KLHDC10: variants seen among roughly 807,000 people sequenced by gnomAD.
KLHDC10 encodes the protein kelch domain containing 10.
A neutral mutation model predicts 56.1 loss-of-function variants in KLHDC10; 24 were observed. The ratio of observed to expected loss-of-function variants is 0.43; its 90% CI spans 0.31 to 0.60. The LOEUF is 0.60. KLHDC10 is among the 20% of genes least tolerant of loss of function. KLHDC10 has a pLI of 0.11. For synonymous variants in KLHDC10, 188 were observed against 207.1 expected (o/e 0.91, Z 0.79); for missense variants, 349 against 567.0 (o/e 0.62, Z 3.91).
Position 130,081,147 on chromosome 7 carries a change from C to T in KLHDC10, c.166+10338C>T, listed in dbSNP as rs550227317. Among the ~76,000 whole-genome samples, 74 of 151,312 alleles carry T rather than the reference C, an allele frequency of 4.9e-4. No homozygotes were observed. In the South Asian group the frequency reaches 7.1e-3, roughly 14 times the overall value. On this transcript the variant is annotated intron_variant, in intron 1 of 9. Transcript: ENST00000335420. ...CTGAGTAGCTGGGAATATAGGCGCC[C>T]GCCACTACACCCGGCTAATTTTTTG...
Position 130,132,388 on chromosome 7 carries a change from G to A in KLHDC10, c.*1642G>A, listed in dbSNP as rs955799599. ...ATGACCTTTGAGCTACGGTTAAAAA[G>A]CTACCATCTGGTGTTCAGTTCTGGG... On this transcript the variant is annotated 3_prime_UTR_variant, in exon 10 of 10. Transcript: ENST00000335420. 6.6e-6 allele frequency: 1 copy of A among 152,194 alleles called. No homozygotes were observed. Among genetic ancestry groups the A allele is most frequent in the Non-Finnish European group, 1.5e-5 (1 of 68,042 alleles). The allele number at this position is 152,194 out of a possible 1,614,324, so 9.4% of individuals were successfully genotyped here.
chr7:130,075,988 C>T (rs1795496189), intron 1 of KLHDC10, among the ~76,000 whole-genome samples: 1 of 151,862 alleles, frequency 6.6e-6, no homozygotes, highest in South Asian at 2.1e-4. Context: ...GGTACCCAAC[C>T]TTTTTGGCAC....
chr7:130,110,268 C>T (rs1313247092), intron 2 of KLHDC10, among the ~76,000 whole-genome samples: 1 of 152,158 alleles, frequency 6.6e-6, no homozygotes, highest in Non-Finnish European at 1.5e-5. Context: ...GCTGTCTGTC[C>T]ATGGGACTTT....
At chr7:130,122,446 C>A (rs1427048013) in intron 5 of KLHDC10, among the ~76,000 whole-genome samples, 1 of 152,186 alleles carries the variant, frequency 6.6e-6, no homozygotes, top group Non-Finnish European at 1.5e-5. Flanking sequence ...ATACTTTAGT[C>A]TCTCTGCATT....
chr7:130,127,261 T>G, intron 7 of KLHDC10, 143 bp from the exon 8 acceptor site: 1 of 664,834 alleles, frequency 1.5e-6, no homozygotes, highest in Non-Finnish European at 2.7e-6. Context: ...AAGGAGGGAG[T>G]GGAAGGACTA....
intron 1 of KLHDC10, among the ~76,000 whole-genome samples, chr7:130,093,734 G>A (rs1795811250): frequency 6.6e-6 from 1 of 151,988 alleles, no homozygotes; most frequent in African/African-American, 2.4e-5. Context: ...CTGCTCTTTG[G>A]GTGAAAGAAT....
intron 5 of KLHDC10, among the ~76,000 whole-genome samples, chr7:130,123,666 G>A (rs1796280276): frequency 1.3e-5 from 2 of 152,086 alleles, no homozygotes; most frequent in East Asian, 1.9e-4. Context: ...GACTGTTAGT[G>A]GACTGATCAT....
chr7:130,088,588 T>A (rs1316505913), intron 1 of KLHDC10, among the ~76,000 whole-genome samples: 1 of 151,592 alleles, frequency 6.6e-6, no homozygotes, highest in African/African-American at 2.4e-5. Flanking sequence ...GTCTTCACTT[T>A]CAAAATTGAT....
At chr7:130,122,292 C>T (rs1796258497) in intron 5 of KLHDC10, 90 bp downstream of exon 5, 4 of 1,262,434 alleles carry the variant, frequency 3.2e-6, no homozygotes, top group Non-Finnish European at 4.3e-6. Context: ...AACCCTTTGG[C>T]CCCAGTTAGA....
chr7:130,094,244 T>C (rs1033667486), intron 1 of KLHDC10, among the ~76,000 whole-genome samples: 1 of 152,178 alleles, frequency 6.6e-6, no homozygotes, highest in Non-Finnish European at 1.5e-5. Flanking sequence ...TAATTTTTAA[T>C]GTTATTCCCT....
At chr7:130,128,875 T>TAAAAAAAAAAAAAAAAA (rs1164826285) in intron 8 of KLHDC10, among the ~76,000 whole-genome samples, 1 of 42,332 alleles carries the variant, frequency 2.4e-5, no homozygotes. Context: ...CCTTGTCTCT[T>TAAAAAAAAAAAAAAAAA]AAAAAAAAAA....
At chr7:130,124,822 C>T (rs1796293231) in intron 6 of KLHDC10, among the ~76,000 whole-genome samples, 1 of 152,170 alleles carries the variant, frequency 6.6e-6, no homozygotes, top group Non-Finnish European at 1.5e-5. Context: ...TTGAATGGAG[C>T]AACTAATTAG....
chr7:130,108,869 T>A (rs1189790450), intron 2 of KLHDC10, among the ~76,000 whole-genome samples: 2 of 152,172 alleles, frequency 1.3e-5, no homozygotes, highest in African/African-American at 4.8e-5. Flanking sequence ...CGCACATACA[T>A]ATTTTTCTGT....
At chr7:130,100,849 TG>T (rs1174315336) in intron 2 of KLHDC10, among the ~76,000 whole-genome samples, 1 of 152,166 alleles carries the variant, frequency 6.6e-6, no homozygotes, top group African/African-American at 2.4e-5. Flanking sequence ...ATTAAAATTG[TG>T]GTGTAGTGAA....
At chr7:130,070,877 C>T (rs528925791) in intron 1 of KLHDC10, 68 bp downstream of exon 1, 387 of 1,183,126 alleles carry the variant, frequency 3.3e-4, no homozygotes, top group Middle Eastern at 9.7e-4. Flanking sequence ...TCTTTTTCTC[C>T]CTGGCTTGCT....
At chr7:130,070,847 G>A (rs977828800) in intron 1 of KLHDC10, 38 bp downstream of exon 1, 57 of 1,285,456 alleles carry the variant, frequency 4.4e-5, no homozygotes, top group Non-Finnish European at 5.5e-5. Context: ...CTTGCGGGCG[G>A]GAAGGTGACT....
At chr7:130,089,166 C>T (rs1185167299) in intron 1 of KLHDC10, among the ~76,000 whole-genome samples, 1 of 151,824 alleles carries the variant, frequency 6.6e-6, no homozygotes, top group Non-Finnish European at 1.5e-5. Context: ...TAAATTTTTC[C>T]CCTTGTCCGA....
rs924590951 is a variant in KLHDC10 at position 130,130,812 on chromosome 7, G to C, written c.*66G>C. 4.8e-6 allele frequency: 7 copies of C among 1,445,698 alleles called. No individual in the cohort carries two copies. The highest frequency in any genetic ancestry group is 5.8e-6 in the Non-Finnish European group (6 of 1,029,146). 89.6% of individuals were successfully genotyped at this position (1,445,698 alleles called of 1,614,324 possible). The stretch of plus-strand genomic sequence containing the variant: ...AAAGAGACTCCTTTATTTATGGGCA[G>C]TGTAGAATGTGCTACAAAGAGGATT... On this transcript the variant is annotated 3_prime_UTR_variant, in exon 10 of 10. Transcript: ENST00000335420. The surrounding 1 kb of genome is among the most constrained non-coding windows in gnomAD (Gnocchi z 4.2).
chr7:130,077,719 C>G (rs1399935816), intron 1 of KLHDC10, among the ~76,000 whole-genome samples: 1 of 151,692 alleles, frequency 6.6e-6, no homozygotes, highest in African/African-American at 2.4e-5. Context: ...CCACGCCCAG[C>G]TAATTTTTTG....
Sources: allele counts gnomAD v4.1 joint callset (sites outside exome capture counted in the v4.1 genomes callset), GRCh38; gene constraint gnomAD v4.1.1; non-coding constraint Gnocchi (gnomAD v3.1); transcripts MANE v1.5; gene names NCBI Gene and HGNC (gene_info 2026-07-23, HGNC 2026-07-21).